The following ITFG1 variants were observed in gnomAD, a reference collection of about 807,000 sequenced individuals.
ITFG1 encodes integrin alpha FG-GAP repeat containing 1, also known as T-cell immunomodulatory protein.
In ITFG1, 34 loss-of-function variants were observed where a neutral mutation model predicts 81.8. That is an observed-to-expected ratio of 0.42 (90% CI 0.32 to 0.55). ITFG1 has a LOEUF of 0.55. Ranked by LOEUF, ITFG1 falls within the 20% of genes least tolerant of loss-of-function variation. The pLI, the probability that ITFG1 is intolerant of heterozygous loss-of-function variation, is 0.17. For synonymous variants in ITFG1, 285 were observed against 270.6 expected, an observed-to-expected ratio of 1.05 and a Z score of -0.52; for missense variants, 672 against 755.4, an observed-to-expected ratio of 0.89 and a Z score of 1.29.
intron 14 of ITFG1, among the ~76,000 whole-genome samples, chr16:47,181,709 A>C (rs1312677696): frequency 1.3e-5 from 2 of 152,210 alleles, no homozygotes; most frequent in African/African-American, 4.8e-5. Context: ...AGAATGGGCC[A>C]TGATGACAAT....
In ITFG1 at chr16:47,288,963, C is replaced by T. The variant is rs538524607; in HGVS notation, c.1070+22277G>A. ...ACAGGAAAAGCTTCCAACTTTTCCTCGTGTAGTATAATGTTGGCAGTAGGT... is the reference window on the plus strand; with the variant it reads ...ACAGGAAAAGCTTCCAACTTTTCCTTGTGTAGTATAATGTTGGCAGTAGGT... On this transcript the variant is annotated intron_variant, in intron 10 of 17. Coordinates refer to ENST00000320640, the MANE Select transcript of ITFG1 (RefSeq NM_030790.5). Among the ~76,000 whole-genome samples, 127 of 152,214 alleles carry T rather than the reference C, an allele frequency of 8.3e-4. 1 individual carries two copies. The highest frequency in any genetic ancestry group is 2.9e-3 in the African/African-American group (121 of 41,530).
intron 14 of ITFG1, among the ~76,000 whole-genome samples, chr16:47,208,925 A>C (rs1252987462): frequency 6.6e-6 from 1 of 152,204 alleles, no homozygotes; most frequent in Non-Finnish European, 1.5e-5. Flanking sequence ...GTATCTGGGA[A>C]TTGAGAGACA....
chr16:47,243,112 T>G (rs914055991), intron 12 of ITFG1, among the ~76,000 whole-genome samples: 4 of 150,114 alleles, frequency 2.7e-5, no homozygotes, highest in Admixed American at 2.6e-4. Flanking sequence ...GAAAACCACA[T>G]GATATATGTG....
At chr16:47,405,964 G>A (rs1229705083) in intron 6 of ITFG1, among the ~76,000 whole-genome samples, 1 of 152,196 alleles carries the variant, frequency 6.6e-6, no homozygotes, top group Non-Finnish European at 1.5e-5. Flanking sequence ...TCTCAGAAGT[G>A]TTTAGTCCAG....
intron 10 of ITFG1, among the ~76,000 whole-genome samples, chr16:47,293,708 G>A (rs1567448358): frequency 6.6e-6 from 1 of 151,342 alleles, no homozygotes; most frequent in Non-Finnish European, 1.5e-5. Flanking sequence ...ACTTGTATTT[G>A]TTTTTTTTGG....
intron 14 of ITFG1, among the ~76,000 whole-genome samples, chr16:47,195,244 C>T (rs1965343973): frequency 1.3e-5 from 2 of 152,114 alleles, no homozygotes; most frequent in South Asian, 4.1e-4. Context: ...GGTGGTGCTA[C>T]AAAATCACTC....
At chr16:47,231,479 C>T (rs1349462877) in intron 13 of ITFG1, among the ~76,000 whole-genome samples, 3 of 152,274 alleles carry the variant, frequency 2.0e-5, no homozygotes, top group Admixed American at 2.0e-4. Context: ...ACTAATAATA[C>T]TGATATTTAC....
intron 8 of ITFG1, among the ~76,000 whole-genome samples, chr16:47,332,434 A>G (rs1048750988): frequency 1.3e-5 from 2 of 152,158 alleles, no homozygotes; most frequent in Non-Finnish European, 2.9e-5. Flanking sequence ...ACGGCCACTA[A>G]AAGTAAAATG....
chr16:47,230,202 T>C (rs1169760090), intron 13 of ITFG1, among the ~76,000 whole-genome samples: 4 of 151,808 alleles, frequency 2.6e-5, no homozygotes, highest in Non-Finnish European at 5.9e-5. Flanking sequence ...TCACCAACAT[T>C]TGAAAGATAG....
At chr16:47,290,264 G>A (rs2151554339) in intron 10 of ITFG1, among the ~76,000 whole-genome samples, 1 of 152,224 alleles carries the variant, frequency 6.6e-6, no homozygotes, top group African/African-American at 2.4e-5. Context: ...GGAGAGTGCT[G>A]ATGGAAAGAA....
chr16:47,321,672 C>A (rs1461165314), intron 8 of ITFG1, among the ~76,000 whole-genome samples: 1 of 152,050 alleles, frequency 6.6e-6, no homozygotes, highest in Non-Finnish European at 1.5e-5. Context: ...TGCACTCCAG[C>A]CTGGACAACA....
chr16:47,181,482 G>T (rs1308188833), intron 14 of ITFG1, among the ~76,000 whole-genome samples: 2 of 138,046 alleles, frequency 1.4e-5, no homozygotes, highest in African/African-American at 5.5e-5. Context: ...CCGGCCAGCC[G>T]CCCCGTCCGG....
intron 12 of ITFG1, among the ~76,000 whole-genome samples, chr16:47,242,860 C>T (rs893444593): frequency 6.6e-6 from 1 of 152,092 alleles, no homozygotes; most frequent in Non-Finnish European, 1.5e-5. Flanking sequence ...GGGTTAGTAA[C>T]TAATAAGGGG....
At chr16:47,316,720 C>T (rs1967364782) in intron 8 of ITFG1, among the ~76,000 whole-genome samples, 1 of 152,168 alleles carries the variant, frequency 6.6e-6, no homozygotes, top group Admixed American at 6.6e-5. Context: ...TTTTAAATCT[C>T]ACACTACAGG....
chr16:47,298,009 CTT>C (rs1051740718), intron 10 of ITFG1, among the ~76,000 whole-genome samples: 2 of 152,026 alleles, frequency 1.3e-5, no homozygotes, highest in African/African-American at 4.8e-5. Flanking sequence ...ATATTGAAGT[CTT>C]TGTTCATTTT....
intron 8 of ITFG1, among the ~76,000 whole-genome samples, chr16:47,350,892 A>T (rs541263567): frequency 6.6e-6 from 1 of 152,340 alleles, no homozygotes; most frequent in African/African-American, 2.4e-5. Context: ...CATCCCTGGG[A>T]TGGAAGGCTG....
intron 6 of ITFG1, among the ~76,000 whole-genome samples, chr16:47,414,583 C>A (rs972409956): frequency 1.1e-4 from 16 of 151,658 alleles, no homozygotes; most frequent in Non-Finnish European, 2.4e-4. Flanking sequence ...CAAAATCCCC[C>A]AAAACAATAA....
rs765582456 is a variant in ITFG1, at chr16:47,313,744, T to G, written c.882A>C (p.Arg294Ser). ...CTTGATATACCTGCTTCATCCCAGA[T>G]CTCACTAAGTAGATGGTACTCTTTT... ...NCQKSTIYLVRSGMKQWVPVL... is the reference protein window; with the variant it reads ...NCQKSTIYLVSSGMKQWVPVL... Residue 294 changes from arginine to serine, a missense_variant, in exon 9 of 18, where the codon AGA becomes AGC. Around this residue, in one of 3 missense-constraint regions of ITFG1, gnomAD observed 560 missense variants for 625.7 expected, o/e 0.90. Coordinates refer to ENST00000320640, the MANE Select transcript of ITFG1 (RefSeq NM_030790.5). The G allele has an allele frequency of 6.3e-7, 1 of 1,585,940 alleles. No individual in the cohort carries two copies. Among genetic ancestry groups the G allele is most frequent in the African/African-American group, 1.4e-5 (1 of 73,912 alleles).
chr16:47,435,561 T>A (rs1399357294), intron 5 of ITFG1, among the ~76,000 whole-genome samples: 1 of 152,246 alleles, frequency 6.6e-6, no homozygotes, highest in East Asian at 1.9e-4. Flanking sequence ...GTAATTAATG[T>A]CAGCTGTAGC....
Sources: gnomAD v4.1 joint callset for allele counts (sites outside exome capture counted in the v4.1 genomes callset) on GRCh38, gnomAD v4.1.1 for gene constraint, gnomAD v4.1.1 regional missense constraint, MANE v1.5 for transcripts, NCBI Gene and HGNC (gene_info 2026-07-23, HGNC 2026-07-21) for gene names.